The following PLCB1 variants were observed in gnomAD, a reference collection of about 807,000 sequenced individuals.
The protein encoded by PLCB1 is phospholipase C beta 1, also known as 1-phosphatidylinositol 4,5-bisphosphate phosphodiesterase beta-1.
A neutral mutation model predicts 161.8 loss-of-function variants in PLCB1; 46 were observed. The observed-to-expected ratio is 0.28, with a 90% CI of 0.22 to 0.36. The LOEUF (loss-of-function observed/expected upper bound fraction) is 0.36. Ranked by LOEUF, PLCB1 falls within the 10% of genes least tolerant of loss-of-function variation. PLCB1 has a pLI of 1.00. For synonymous variants in PLCB1, 517 were observed against 503.7 expected, an observed-to-expected ratio of 1.03 and a Z score of -0.35; for missense variants, 1,016 against 1,472.5, an observed-to-expected ratio of 0.69 and a Z score of 5.07.
At chr20:8,434,715 A>G (rs1980222523) in intron 3 of PLCB1, among the ~76,000 whole-genome samples, 1 of 152,248 alleles carries the variant, frequency 6.6e-6, no homozygotes, top group Admixed American at 6.5e-5. Context: ...TCACACAGCT[A>G]ATAAGAGCTA....
intron 3 of PLCB1, among the ~76,000 whole-genome samples, chr20:8,510,671 G>A (rs1295641019): frequency 3.3e-5 from 5 of 152,078 alleles, no homozygotes; most frequent in African/African-American, 7.2e-5. Flanking sequence ...GATTACAGGC[G>A]TGAGCCACCG....
intron 3 of PLCB1, among the ~76,000 whole-genome samples, chr20:8,564,432 C>A (rs1474383480): frequency 6.6e-6 from 1 of 152,112 alleles, no homozygotes; most frequent in African/African-American, 2.4e-5. Context: ...TGGGCAAAGA[C>A]TTCATGGCTA....
intron 3 of PLCB1, among the ~76,000 whole-genome samples, chr20:8,523,496 C>CTCTCTCTCTCTATA: frequency 1.9e-5 from 1 of 51,656 alleles, no homozygotes; most frequent in South Asian, 6.6e-4. Flanking sequence ...CTCTCTCTCT[C>CTCTCTCTCTCTATA]TATATATATA....
At chr20:8,218,659 A>G (rs750958671) in intron 2 of PLCB1, among the ~76,000 whole-genome samples, 6 of 151,846 alleles carry the variant, frequency 4.0e-5, no homozygotes, top group Non-Finnish European at 7.4e-5. Flanking sequence ...AGGCCCTTAG[A>G]CAAAATCTAG....
chr20:8,438,221 C>T (rs934488340), intron 3 of PLCB1, among the ~76,000 whole-genome samples: 15 of 151,888 alleles, frequency 9.9e-5, no homozygotes, highest in Admixed American at 2.0e-4. Flanking sequence ...AATGAATATC[C>T]GTATATAAAA....
intron 2 of PLCB1, among the ~76,000 whole-genome samples, chr20:8,201,091 T>C (rs1475793737): frequency 6.6e-6 from 1 of 152,136 alleles, no homozygotes; most frequent in African/African-American, 2.4e-5. Flanking sequence ...CTCAGACTTT[T>C]CTTGTTCAAT....
chr20:8,339,888 G>A (rs1985734795), intron 2 of PLCB1, among the ~76,000 whole-genome samples: 1 of 152,178 alleles, frequency 6.6e-6, no homozygotes. Flanking sequence ...AGGATCGCTT[G>A]AGGTCGGGAG....
At chr20:8,223,867 C>T (rs558537954) in intron 2 of PLCB1, among the ~76,000 whole-genome samples, 26 of 152,174 alleles carry the variant, frequency 1.7e-4, no homozygotes, top group African/African-American at 6.3e-4. Flanking sequence ...TTGGCCTCAC[C>T]CCTACAGTGC....
intron 7 of PLCB1, among the ~76,000 whole-genome samples, chr20:8,656,440 A>G (rs566349002): frequency 3.9e-5 from 6 of 152,196 alleles, no homozygotes; most frequent in African/African-American, 1.4e-4. Context: ...ACATTAACAC[A>G]TACCTGAAAT....
At chr20:8,581,082 A>G (rs551642280) in intron 3 of PLCB1, among the ~76,000 whole-genome samples, 2 of 152,310 alleles carry the variant, frequency 1.3e-5, no homozygotes, top group African/African-American at 2.4e-5. Flanking sequence ...GGAACAATTC[A>G]TGAGTCTTAA....
intron 3 of PLCB1, among the ~76,000 whole-genome samples, chr20:8,553,974 C>T (rs1358574179): frequency 6.6e-6 from 1 of 151,924 alleles, no homozygotes; most frequent in African/African-American, 2.4e-5. Context: ...TGTTCTCCAG[C>T]CTGGGCAACA....
intron 19 of PLCB1, 62 bp from the exon 20 acceptor site, chr20:8,736,966 T>C: frequency 7.8e-7 from 1 of 1,289,402 alleles, no homozygotes; most frequent in Non-Finnish European, 1.1e-6. Flanking sequence ...AGTATTCTCT[T>C]ATGTCTTTGT....
At chr20:8,742,505 CAA>C (rs1168171993) in intron 23 of PLCB1, among the ~76,000 whole-genome samples, 3 of 152,028 alleles carry the variant, frequency 2.0e-5, no homozygotes, top group African/African-American at 7.2e-5. Context: ...GTAAAAATGA[CAA>C]AAGAAAACAA....
intron 2 of PLCB1, among the ~76,000 whole-genome samples, chr20:8,168,927 G>A (rs957477970): frequency 3.9e-5 from 6 of 152,098 alleles, no homozygotes; most frequent in East Asian, 3.8e-4. Context: ...TCTCCTAGCC[G>A]GGGCCCACAA....
At chr20:8,477,188 T>A (rs1249343462) in intron 3 of PLCB1, among the ~76,000 whole-genome samples, 1 of 151,858 alleles carries the variant, frequency 6.6e-6, no homozygotes, top group South Asian at 2.1e-4. Context: ...CCCCTCCAGA[T>A]CTACTGAAGT....
rs990790709 is a variant in PLCB1 at position 8,555,363 on chromosome 20, A to G, written c.247-72931A>G. On this transcript the variant is annotated intron_variant, in intron 3 of 31. Transcript: ENST00000338037. ...TGTTTCTAACAAAAAGTAGATACAC[A>G]CTCTCCACCTACACTCCTCTTCCTC... is the stretch of plus-strand genomic sequence containing the variant. Among the ~76,000 whole-genome samples the G allele has an allele frequency of 2.0e-5, 3 of 151,940 alleles. No homozygotes were observed. The East Asian group carries it at 5.8e-4, about 30-fold the overall frequency.
At chr20:8,733,151 G>A (rs1444815626) in intron 18 of PLCB1, 87 bp from the exon 19 acceptor site, 23 of 1,342,492 alleles carry the variant, frequency 1.7e-5, no homozygotes, top group Non-Finnish European at 2.2e-5. Context: ...CACAAAAGTG[G>A]ACTGGGATCA....
chr20:8,162,659 T>C (rs2051637818), intron 2 of PLCB1, among the ~76,000 whole-genome samples: 1 of 152,222 alleles, frequency 6.6e-6, no homozygotes. Context: ...TCCCTGGCAT[T>C]GTGCAAAACT....
At chr20:8,454,255 G>A (rs913043934) in intron 3 of PLCB1, among the ~76,000 whole-genome samples, 4 of 152,216 alleles carry the variant, frequency 2.6e-5, no homozygotes, top group Admixed American at 6.5e-5. Context: ...AGTCAGTGAT[G>A]GGAGGCAGTG....
Sources: gnomAD v4.1 joint callset for allele counts (sites outside exome capture counted in the v4.1 genomes callset) on GRCh38, gnomAD v4.1.1 for gene constraint, MANE v1.5 for transcripts, NCBI Gene and HGNC (gene_info 2026-07-23, HGNC 2026-07-21) for gene names.